Variants in CPLX1 observed in about 807,000 individuals in gnomAD.
CPLX1 encodes complexin 1.
CPLX1 carries 6 observed loss-of-function variants against 15.6 expected under a neutral mutation model. The observed-to-expected ratio is 0.39, with a 90% CI of 0.21 to 0.76. CPLX1 has a LOEUF of 0.76. Among genes scored for constraint, CPLX1 ranks in the 30% least tolerant of loss-of-function variants. The pLI is 0.43. For missense variants in CPLX1, 242 were observed against 188.6 expected, an observed-to-expected ratio of 1.28 and a Z score of -1.66; for synonymous variants, 91 against 75.2, an observed-to-expected ratio of 1.21 and a Z score of -1.08.
intron 3 of CPLX1, among the ~76,000 whole-genome samples, chr4:788,752 C>T (rs1210734354): frequency 3.0e-5 from 4 of 133,182 alleles, no homozygotes; most frequent in Non-Finnish European, 4.7e-5. Context: ...AAGCTAGGTC[C>T]GGCCAGAGAG....
At chr4:803,692 T>C (rs28584758) in intron 2 of CPLX1, among the ~76,000 whole-genome samples, 9,773 of 151,470 alleles carry the variant, frequency 0.065, 1,013 homozygotes, top group African/African-American at 0.22. Flanking sequence ...GCCTTCTTTC[T>C]TTCTCTTGAG....
At chr4:814,868 A>G (rs4690195) in intron 2 of CPLX1, among the ~76,000 whole-genome samples, 1 of 152,234 alleles carries the variant, frequency 6.6e-6, no homozygotes, top group Non-Finnish European at 1.5e-5. Flanking sequence ...CAAGCCGTCC[A>G]CCAGGTGAAA....
chr4:792,415 G>A lies in CPLX1; in HGVS notation c.207+18C>T. 6.6e-7 allele frequency: 1 copy of A among 1,513,390 alleles called. No homozygotes were observed. Among genetic ancestry groups the A allele is most frequent in the Non-Finnish European group, 8.8e-7 (1 of 1,131,860 alleles). 93.7% of individuals were successfully genotyped at this position (1,513,390 alleles called of 1,614,324 possible). ...CTCAGGGCCGCCTTCCCGCAGGCGG[G>A]GCCGGCCCGGCGCGCACCTTGTCTC... is the stretch of plus-strand genomic sequence containing the variant. On this transcript the variant is annotated intron_variant, in intron 3 of 3. Transcript: ENST00000304062.
intron 2 of CPLX1, among the ~76,000 whole-genome samples, chr4:813,985 C>A (rs1560245577): frequency 6.6e-6 from 1 of 152,214 alleles, no homozygotes; most frequent in Non-Finnish European, 1.5e-5. Flanking sequence ...GAGCTTGTAA[C>A]AAAATGACAC....
At chr4:817,981 C>T (rs1283297853) in intron 2 of CPLX1, among the ~76,000 whole-genome samples, 5 of 152,224 alleles carry the variant, frequency 3.3e-5, no homozygotes, top group South Asian at 4.1e-4. Flanking sequence ...CCACCGCCCT[C>T]GGGGGTGGCT....
chr4:793,320 T>G (rs1209672060), intron 2 of CPLX1, among the ~76,000 whole-genome samples: 1 of 151,588 alleles, frequency 6.6e-6, no homozygotes, highest in Admixed American at 6.6e-5. Context: ...GCATGGGGGT[T>G]GGCAGGGGCC....
chr4:823,369 G>C lies in CPLX1; in HGVS notation c.31+1123C>G, dbSNP rs1222051206. Among the ~76,000 whole-genome samples the C allele has an allele frequency of 2.0e-5, 3 of 152,162 alleles. No individual in the cohort carries two copies. The East Asian group carries it at 5.8e-4, about 29-fold the overall frequency. The stretch of plus-strand genomic sequence containing the variant: ...ACAGCCACCCTCCGGGAGACAGCCA[G>C]GCAGGCAGCTCCTGCCCTGGGGGAA... On this transcript the variant is annotated intron_variant, in intron 2 of 3. Coordinates refer to ENST00000304062, the MANE Select transcript of CPLX1 (RefSeq NM_006651.4).
At chr4:807,260 T>G (rs1475100003) in intron 2 of CPLX1, among the ~76,000 whole-genome samples, 1 of 152,122 alleles carries the variant, frequency 6.6e-6, no homozygotes, top group Non-Finnish European at 1.5e-5. Flanking sequence ...CACTCGTAAG[T>G]GGGAGTTGAA....
intron 2 of CPLX1, among the ~76,000 whole-genome samples, chr4:806,274 A>G (rs1410958503): frequency 1.3e-5 from 2 of 152,216 alleles, no homozygotes; most frequent in African/African-American, 4.8e-5. Context: ...CTGATTTTCA[A>G]CAAACCTGAC....
intron 2 of CPLX1, among the ~76,000 whole-genome samples, chr4:810,596 T>G (rs1004082228): frequency 6.6e-6 from 1 of 152,224 alleles, no homozygotes; most frequent in African/African-American, 2.4e-5. Context: ...TGACCAGCAC[T>G]GCCGAACATC....
intron 2 of CPLX1, among the ~76,000 whole-genome samples, chr4:816,263 G>C (rs951606116): frequency 7.1e-6 from 1 of 140,160 alleles, no homozygotes. Context: ...CTGTCACCCA[G>C]GCTGGAGTGC....
chr4:787,593 G>T (rs1285671013), intron 3 of CPLX1: 6 of 814,692 alleles, frequency 7.4e-6, no homozygotes, highest in Middle Eastern at 1.3e-3. Context: ...GGAGGAGGTC[G>T]CGAGTGGTCA....
At chr4:788,085 C>G (rs368040964) in intron 3 of CPLX1, 6 of 985,396 alleles carry the variant, frequency 6.1e-6, no homozygotes, top group Non-Finnish European at 7.2e-6. Context: ...AGGAGCACAC[C>G]GCGGGATCAC....
chr4:790,801 G>A (rs896019604), intron 3 of CPLX1, among the ~76,000 whole-genome samples: 1 of 151,958 alleles, frequency 6.6e-6, no homozygotes, highest in Non-Finnish European at 1.5e-5. Flanking sequence ...TCTACCCAGC[G>A]TCAGCTCTCT....
intron 2 of CPLX1, among the ~76,000 whole-genome samples, chr4:823,565 G>A (rs1027779934): frequency 2.6e-5 from 4 of 152,202 alleles, no homozygotes; most frequent in South Asian, 2.1e-4. Flanking sequence ...TGGTAGAATC[G>A]GGCACCGGCC....
chr4:786,751 C>A (rs1441356339), intron 3 of CPLX1, 53 bp from the exon 4 acceptor site: 11 of 1,534,722 alleles, frequency 7.2e-6, no homozygotes, highest in African/African-American at 2.8e-5. Flanking sequence ...CCGGGCGGGC[C>A]GCAGCCTCCC....
intron 3 of CPLX1, chr4:787,654 G>A: frequency 1.0e-6 from 1 of 973,118 alleles, no homozygotes; most frequent in Non-Finnish European, 1.2e-6. Flanking sequence ...GCAGGGAAGG[G>A]CCCTCCCCCA....
chr4:789,436 A>G (rs1466179970), intron 3 of CPLX1, among the ~76,000 whole-genome samples: 4 of 152,232 alleles, frequency 2.6e-5, no homozygotes, highest in African/African-American at 4.8e-5. Flanking sequence ...AGAACCAACA[A>G]TAGGAATGAT....
At chr4:787,502 G>C (rs1230636422) in intron 3 of CPLX1, 1 of 707,458 alleles carries the variant, frequency 1.4e-6, no homozygotes, top group Non-Finnish European at 1.7e-6. Context: ...TCCTGGATTT[G>C]AGGGGCCTCA....
Sources: allele counts gnomAD v4.1 joint callset (sites outside exome capture counted in the v4.1 genomes callset), GRCh38; gene constraint gnomAD v4.1.1; transcripts MANE v1.5; gene names NCBI Gene and HGNC (gene_info 2026-07-23, HGNC 2026-07-21).